KIF20B: variants seen among roughly 807,000 people sequenced by gnomAD.
The protein encoded by KIF20B is kinesin family member 20B, also known as kinesin-like protein KIF20B.
In KIF20B, 188 loss-of-function variants were observed where a neutral mutation model predicts 232.5. The ratio of observed to expected loss-of-function variants is 0.81; its 90% confidence interval spans 0.72 to 0.91. The LOEUF (loss-of-function observed/expected upper bound fraction) is 0.91. KIF20B is among the 40% of genes least tolerant of loss of function. The pLI is 0.00. For missense variants in KIF20B, 2,154 were observed against 2,055.9 expected, an observed-to-expected ratio of 1.05 and a Z score of -0.92; for synonymous variants, 712 against 683.0, an observed-to-expected ratio of 1.04 and a Z score of -0.66.
In KIF20B at chr10:89,733,866, C is replaced by G. The variant is rs920204623; in HGVS notation, c.2545+810C>G. Among the ~76,000 whole-genome samples, 10 of 152,196 alleles carry G rather than the reference C, an allele frequency of 6.6e-5. No individual in the cohort carries two copies. The East Asian group carries it at 1.2e-3, about 18-fold the overall frequency. ...CTTGGAATCCTGTAATGAAATTGCA[C>G]AATTACAGCTTCCCAAGAACATTTA... On this transcript the variant is annotated intron_variant, in intron 19 of 32. Coordinates refer to ENST00000371728, the MANE Select transcript of KIF20B (RefSeq NM_001284259.2).
At chr10:89,748,596 C>T (rs35339677) in intron 23 of KIF20B, among the ~76,000 whole-genome samples, 19,937 of 152,170 alleles carry the variant, frequency 0.13, 1,368 homozygotes, top group South Asian at 0.22. Flanking sequence ...TATCTCTGCA[C>T]ACAGTACTGT....
chr10:89,714,393 C>T (rs1156574635), intron 7 of KIF20B, among the ~76,000 whole-genome samples: 2 of 152,012 alleles, frequency 1.3e-5, no homozygotes, highest in Non-Finnish European at 2.9e-5. Context: ...GCAGGAGAAT[C>T]CTTGAACTCA....
chr10:89,712,455 A>G (rs954035788), intron 6 of KIF20B, among the ~76,000 whole-genome samples: 4 of 152,046 alleles, frequency 2.6e-5, no homozygotes, highest in Admixed American at 2.0e-4. Context: ...GGGTCTTGGT[A>G]TGTTGCCTAG....
At position 89,729,264 on chromosome 10, in the gene KIF20B, G is replaced by A. The variant is rs112030182; in HGVS notation, c.2391+17G>A. On this transcript the variant is annotated intron_variant, in intron 18 of 32. Coordinates refer to ENST00000371728, the MANE Select transcript of KIF20B (RefSeq NM_001284259.2). ...AAATGCAATGTAAGAATTTAACCTT[G>A]TGTTATATTAATAAATTAGATAAGC... The A allele has an allele frequency of 1.5e-4, 218 of 1,451,920 alleles. No homozygotes were observed. The Middle Eastern group carries it at 2.0e-3, about 13-fold the overall frequency. The allele number at this position is 1,451,920 out of a possible 1,614,324, so 89.9% of individuals were successfully genotyped here.
intron 7 of KIF20B, among the ~76,000 whole-genome samples, chr10:89,714,350 G>C (rs548607909): frequency 6.6e-6 from 1 of 151,968 alleles, no homozygotes; most frequent in East Asian, 1.9e-4. Context: ...GTGGTGGCGC[G>C]GGCCTGTAGT....
rs145687029 is a variant in KIF20B, at chr10:89,763,031, C to G, written c.4989+196C>G. ...GCGTGGTGACTCATGCCTGTAATCCCAGCACTTTGGGAGGCTGGGGCTGGC... is the reference window on the plus strand; with the variant it reads ...GCGTGGTGACTCATGCCTGTAATCCGAGCACTTTGGGAGGCTGGGGCTGGC... On this transcript the variant is annotated intron_variant, in intron 29 of 32. Transcript: ENST00000371728. Among the ~76,000 whole-genome samples the G allele has an allele frequency of 9.7e-3, 1,469 of 152,204 alleles. 10 individuals carry two copies. The highest frequency in any genetic ancestry group is 0.016 in the Non-Finnish European group (1,113 of 68,000).
chr10:89,768,773 T>C lies in KIF20B; in HGVS notation c.5127T>C (p.Ser1709=). 1.2e-6 allele frequency: 2 copies of C among 1,600,510 alleles called. No individual in the cohort carries two copies. The highest frequency in any genetic ancestry group is 1.7e-6 in the Non-Finnish European group (2 of 1,176,030). The change falls in exon 31 of 33, where the codon TCT becomes TCC. Residue 1709 remains serine, a synonymous_variant. Coordinates refer to ENST00000371728, the MANE Select transcript of KIF20B (RefSeq NM_001284259.2). ...AIRPSSKKTY[S]LRSQASIIGV... ...GTCCATCATCTAAGAAAACATATTC[T>C]TTACGGAGTCAGGCATCCATAATTG... is the stretch of plus-strand genomic sequence containing the variant.
At chr10:89,768,499 T>C (rs1842407146) in intron 30 of KIF20B, 108 bp downstream of exon 30, 2 of 785,068 alleles carry the variant, frequency 2.5e-6, no homozygotes, top group East Asian at 5.2e-5. Context: ...TCAGTTGAAA[T>C]GTAACCTTTA....
At chr10:89,769,909 T>C (rs1389667183) in intron 31 of KIF20B, among the ~76,000 whole-genome samples, 1 of 151,944 alleles carries the variant, frequency 6.6e-6, no homozygotes, top group African/African-American at 2.4e-5. Flanking sequence ...GGAAAGGAAC[T>C]AGAAGCAGGG....
intron 7 of KIF20B, among the ~76,000 whole-genome samples, chr10:89,714,496 G>C (rs946462949): frequency 5.9e-5 from 9 of 151,672 alleles, no homozygotes; most frequent in Non-Finnish European, 8.8e-5. Context: ...TTTTCACCTT[G>C]TATTTATTTA....
rs1179087604 is a variant in KIF20B at position 89,760,515 on chromosome 10, C to T, written c.4681-11C>T. 1.3e-6 allele frequency: 2 copies of T among 1,559,198 alleles called. No individual in the cohort carries two copies. Among genetic ancestry groups the T allele is most frequent in the African/African-American group, 2.7e-5 (2 of 73,818 alleles). On this transcript the variant is annotated splice_polypyrimidine_tract_variant and intron_variant, in intron 27 of 32. Transcript: ENST00000371728. ...ACAATGCCCTGTTGCTTTAATATTT[C>T]CTTACTTTAGGAAACACAAATCATG...
Position 89,719,624 on chromosome 10 carries a change from A to T in KIF20B, c.1640A>T (p.Asn547Ile), listed in dbSNP as rs761472099. 6.2e-7 allele frequency: 1 copy of T among 1,613,260 alleles called. No individual in the cohort carries two copies. The highest frequency in any genetic ancestry group is 1.7e-5 in the Admixed American group (1 of 60,000). ...EELENAEETQ[N>I]VETKLLDEDL... The stretch of plus-strand genomic sequence containing the variant: ...CTAGAAAACGCTGAAGAAACTCAAA[A>T]TGTGGAAACTAAACTTCTTGATGAA... Residue 547 changes from asparagine (N) to isoleucine (I), a missense_variant, in exon 13 of 33, where the codon AAT becomes ATT. Physicochemically the swap from Asn to Ile is moderately radical, Grantham distance 149. Transcript: ENST00000371728.
chr10:89,740,109 G>A (rs145290281), intron 21 of KIF20B, among the ~76,000 whole-genome samples: 34 of 152,152 alleles, frequency 2.2e-4, no homozygotes, highest in Admixed American at 2.2e-3. Flanking sequence ...GTTATCTCAT[G>A]GTAGTTTTAA....
At chr10:89,743,310 A>T (rs1047250541) in intron 21 of KIF20B, among the ~76,000 whole-genome samples, 1 of 152,242 alleles carries the variant, frequency 6.6e-6, no homozygotes, top group African/African-American at 2.4e-5. Flanking sequence ...ATTACCGGCA[A>T]CAGCAGAAAT....
Position 89,762,811 on chromosome 10 carries a change from G to T in KIF20B, c.4965G>T (p.Lys1655Asn). ...CAGTTAAGATTCCCAAGGCTCGGAA[G>T]AGGAAGAGTAATGAAATGGAGGAGG... ...PVTVKIPKAR[K>N]RKSNEMEEDL... The change falls in exon 29 of 33, where the codon AAG (lysine) becomes AAT (asparagine). Residue 1655 changes from lysine (K) to asparagine (N), a missense_variant. Physicochemically the swap from Lys to Asn is moderately conservative, Grantham distance 94 (BLOSUM62 0). Coordinates refer to ENST00000371728, the MANE Select transcript of KIF20B (RefSeq NM_001284259.2). The T allele has an allele frequency of 6.2e-7, 1 of 1,611,874 alleles. No individual in the cohort carries two copies. The highest frequency in any genetic ancestry group is 1.1e-5 in the South Asian group (1 of 91,028).
intron 10 of KIF20B, 37 bp from the exon 11 acceptor site, chr10:89,717,539 G>A (rs1272458187): frequency 6.3e-7 from 1 of 1,589,642 alleles, no homozygotes; most frequent in Admixed American, 1.7e-5. Context: ...TAATTGTTTT[G>A]AAGAACTTTT....
chr10:89,717,395 T>G, intron 9 of KIF20B, 29 bp from the exon 10 acceptor site: 1 of 1,365,450 alleles, frequency 7.3e-7, no homozygotes, highest in Non-Finnish European at 1.0e-6. Flanking sequence ...TTAAAAATGA[T>G]AAGATAACAT....
Position 89,743,934 on chromosome 10 carries a change from A to G in KIF20B, c.4035+7A>G. 2 of 1,576,024 alleles carry G rather than the reference A, an allele frequency of 1.3e-6. No homozygotes were observed. Among genetic ancestry groups the G allele is most frequent in the Non-Finnish European group, 1.7e-6 (2 of 1,166,790 alleles). ...AACCATTCAGCAACTCAAGGTAAACAGTTTTGTTTTTAAAGATGATTTAAA... is the reference window on the plus strand; with the variant it reads ...AACCATTCAGCAACTCAAGGTAAACGGTTTTGTTTTTAAAGATGATTTAAA... On this transcript the variant is annotated splice_region_variant and intron_variant, in intron 22 of 32. Transcript: ENST00000371728.
At chr10:89,734,945 C>T (rs529781584) in intron 19 of KIF20B, among the ~76,000 whole-genome samples, 53 of 152,176 alleles carry the variant, frequency 3.5e-4, no homozygotes, top group Non-Finnish European at 6.2e-4. Context: ...CACTAATTCT[C>T]AAAACGTTGC....
Sources: gnomAD v4.1 joint callset for allele counts (sites outside exome capture counted in the v4.1 genomes callset) on GRCh38, gnomAD v4.1.1 for gene constraint, MANE v1.5 for transcripts, NCBI Gene and HGNC (gene_info 2026-07-23, HGNC 2026-07-21) for gene names.